KCNMB2: variants seen among roughly 807,000 people sequenced by gnomAD.
KCNMB2 encodes the protein potassium calcium-activated channel subfamily M regulatory beta subunit 2, also known as calcium-activated potassium channel subunit beta-2.
A neutral mutation model predicts 24.5 loss-of-function variants in KCNMB2; 9 were observed. That is an observed-to-expected ratio of 0.37 (90% CI 0.22 to 0.64). The LOEUF (loss-of-function observed/expected upper bound fraction) is 0.64, where lower values mean the gene tolerates loss of function less well. Among genes scored for constraint, KCNMB2 ranks in the 30% least tolerant of loss-of-function variants. The pLI, the probability that KCNMB2 is intolerant of heterozygous loss-of-function variation, is 0.63. For missense variants in KCNMB2, 226 were observed against 284.3 expected, an observed-to-expected ratio of 0.79 and a Z score of 1.47; for synonymous variants, 109 against 104.4, an observed-to-expected ratio of 1.04 and a Z score of -0.27.
intron 1 of KCNMB2, among the ~76,000 whole-genome samples, chr3:178,780,521 G>A (rs573638388): frequency 6.6e-6 from 1 of 152,186 alleles, no homozygotes; most frequent in African/African-American, 2.4e-5. Flanking sequence ...TAAATGACTT[G>A]GTAGAAATAA....
At chr3:178,749,226 T>C (rs1222996750) in intron 1 of KCNMB2, 1 of 152,202 alleles carries the variant, frequency 6.6e-6, no homozygotes, top group African/African-American at 2.4e-5. Flanking sequence ...AGAATGCATA[T>C]ATTAGAATGC....
chr3:178,817,808 C>T (rs983477570), intron 2 of KCNMB2, among the ~76,000 whole-genome samples: 3 of 152,160 alleles, frequency 2.0e-5, no homozygotes, highest in African/African-American at 7.2e-5. Context: ...ATTCAGCCTC[C>T]CTATAACTGG....
At chr3:178,751,366 G>A (rs562204454) in intron 1 of KCNMB2, among the ~76,000 whole-genome samples, 5 of 152,002 alleles carry the variant, frequency 3.3e-5, no homozygotes, top group East Asian at 1.9e-4. Context: ...GGATCACAAC[G>A]TCAGGAGTTT....
At chr3:178,817,099 G>A (rs1714431298) in intron 2 of KCNMB2, among the ~76,000 whole-genome samples, 2 of 151,604 alleles carry the variant, frequency 1.3e-5, no homozygotes, top group Non-Finnish European at 2.9e-5. Context: ...CTCACTTTTA[G>A]TGTCTTACCC....
intron 1 of KCNMB2, among the ~76,000 whole-genome samples, chr3:178,746,529 AT>A (rs1319934226): frequency 6.6e-6 from 1 of 152,182 alleles, no homozygotes; most frequent in African/African-American, 2.4e-5. Context: ...CTTGTTACTT[AT>A]GCAAATTTCT....
At chr3:178,811,231 T>G (rs1714180055) in intron 2 of KCNMB2, among the ~76,000 whole-genome samples, 1 of 152,218 alleles carries the variant, frequency 6.6e-6, no homozygotes, top group Non-Finnish European at 1.5e-5. Flanking sequence ...CAAAGTGATA[T>G]TATAAACATC....
Position 178,781,235 on chromosome 3 carries a change from T to A in KCNMB2, c.-67-26108T>A, listed in dbSNP as rs536165450. 2.0e-5 allele frequency among the ~76,000 whole-genome samples: 3 copies of A among 152,298 alleles called. No homozygotes were observed. In the East Asian group the frequency reaches 5.8e-4, roughly 29 times the overall value. On this transcript the variant is annotated intron_variant, in intron 1 of 4. Coordinates refer to ENST00000452583, the MANE Select transcript of KCNMB2 (RefSeq NM_181361.3). The stretch of plus-strand genomic sequence containing the variant: ...CATTCTACTTCTACTGGACAGTGCT[T>A]CTCTAGAGATATTAAGAAGATATTT...
intron 1 of KCNMB2, among the ~76,000 whole-genome samples, chr3:178,741,876 AT>A (rs1236052272): frequency 3.3e-5 from 5 of 152,276 alleles, no homozygotes; most frequent in African/African-American, 7.2e-5. Flanking sequence ...CATAGGATAG[AT>A]TTAGTCTTCT....
intron 2 of KCNMB2, 101 bp from the exon 3 acceptor site, chr3:178,825,487 T>G: frequency 1.1e-6 from 1 of 915,082 alleles, no homozygotes; most frequent in Non-Finnish European, 1.7e-6. Context: ...CTGAAGCAGG[T>G]TTGGAGGGCC....
intron 4 of KCNMB2, among the ~76,000 whole-genome samples, chr3:178,840,970 T>G (rs1249452864): frequency 6.6e-6 from 1 of 152,250 alleles, no homozygotes; most frequent in Non-Finnish European, 1.5e-5. Context: ...GGCTGCACAT[T>G]TTCCAAATTT....
intron 1 of KCNMB2, among the ~76,000 whole-genome samples, chr3:178,707,087 CAGA>C (rs909553573): frequency 1.3e-4 from 20 of 152,112 alleles, no homozygotes; most frequent in African/African-American, 3.6e-4. Context: ...CAAGTGGAGA[CAGA>C]AGGAGAAAGG....
At chr3:178,788,220 G>A (rs910057104) in intron 1 of KCNMB2, among the ~76,000 whole-genome samples, 5 of 152,120 alleles carry the variant, frequency 3.3e-5, no homozygotes, top group East Asian at 3.9e-4. Context: ...CTGTGTATGC[G>A]TGATGCCCAA....
At chr3:178,696,112 C>T (rs751607182) in intron 1 of KCNMB2, among the ~76,000 whole-genome samples, 1 of 152,210 alleles carries the variant, frequency 6.6e-6, no homozygotes, top group Non-Finnish European at 1.5e-5. Context: ...CTTCATATGG[C>T]AGCAGGAAGG....
chr3:178,558,061 G>T (rs530813407), intron 1 of KCNMB2, among the ~76,000 whole-genome samples: 5 of 151,918 alleles, frequency 3.3e-5, no homozygotes, highest in South Asian at 4.1e-4. Context: ...CTCTTTGCAA[G>T]AGAGAAAAAA....
intron 1 of KCNMB2, among the ~76,000 whole-genome samples, chr3:178,690,221 A>G (rs1050922087): frequency 3.9e-5 from 6 of 152,134 alleles, no homozygotes; most frequent in African/African-American, 1.4e-4. Flanking sequence ...TCTGGTGACT[A>G]TTTGACTTTT....
At chr3:178,744,458 T>A (rs1559998843) in intron 1 of KCNMB2, among the ~76,000 whole-genome samples, 1 of 152,198 alleles carries the variant, frequency 6.6e-6, no homozygotes, top group East Asian at 1.9e-4. Context: ...TTTACTCCAG[T>A]TTTTTACTCA....
chr3:178,749,523 T>C (rs369449458), intron 1 of KCNMB2, among the ~76,000 whole-genome samples: 1 of 152,212 alleles, frequency 6.6e-6, no homozygotes, highest in Non-Finnish European at 1.5e-5. Flanking sequence ...GATACCTATA[T>C]CATAGTTGAG....
intron 1 of KCNMB2, among the ~76,000 whole-genome samples, chr3:178,640,890 G>A (rs1202701641): frequency 1.3e-5 from 2 of 152,034 alleles, no homozygotes; most frequent in South Asian, 2.1e-4. Flanking sequence ...CTGGGTCTGT[G>A]TCTAGGTTCT....
At chr3:178,644,484 C>G (rs574726788) in intron 1 of KCNMB2, among the ~76,000 whole-genome samples, 1 of 152,248 alleles carries the variant, frequency 6.6e-6, no homozygotes, top group African/African-American at 2.4e-5. Flanking sequence ...AGGGCTTACA[C>G]TCATCCTGAG....
Sources: gnomAD v4.1 joint callset for allele counts (sites outside exome capture counted in the v4.1 genomes callset) on GRCh38, gnomAD v4.1.1 for gene constraint, MANE v1.5 for transcripts, NCBI Gene and HGNC (gene_info 2026-07-23, HGNC 2026-07-21) for gene names.